RBFOX1: variants seen among roughly 807,000 people sequenced by gnomAD.
RBFOX1 encodes the protein RNA binding fox-1 homolog 1.
RBFOX1 carries 8 observed loss-of-function variants against 57.7 expected under a neutral mutation model. The observed-to-expected ratio is 0.14, with a 90% confidence interval of 0.08 to 0.25. The LOEUF (loss-of-function observed/expected upper bound fraction) is 0.25. RBFOX1 is among the 10% of genes least tolerant of loss of function. The probability of loss-of-function intolerance (pLI) is 1.00; values close to 1 mark genes in which losing one functional copy is unlikely to be tolerated. For missense variants in RBFOX1, 611 were observed against 548.5 expected (o/e 1.11, Z -1.14); for synonymous variants, 326 against 222.4 (o/e 1.47, Z -4.15).
intron 3 of RBFOX1, among the ~76,000 whole-genome samples, chr16:6,891,965 C>T (rs142793576): frequency 4.6e-5 from 7 of 152,282 alleles, no homozygotes; most frequent in African/African-American, 1.4e-4. Context: ...GTTGTATTAA[C>T]ATTTGCATTT....
chr16:7,087,126 C>G (rs565198157), intron 4 of RBFOX1, among the ~76,000 whole-genome samples: 23 of 152,278 alleles, frequency 1.5e-4, no homozygotes, highest in African/African-American at 5.5e-4. Context: ...TGACTGGATG[C>G]TGCTTTTATC....
intron 2 of RBFOX1, among the ~76,000 whole-genome samples, chr16:5,555,339 C>T (rs1228655554): frequency 6.6e-6 from 1 of 152,074 alleles, no homozygotes; most frequent in Non-Finnish European, 1.5e-5. Context: ...CTGCAACCTA[C>T]ACCTCCTGGG....
chr16:7,303,844 C>T (rs925986326), intron 4 of RBFOX1, among the ~76,000 whole-genome samples: 11 of 147,896 alleles, frequency 7.4e-5, no homozygotes, highest in Admixed American at 6.7e-4. Context: ...CCTTCCTCCT[C>T]TCCCTCCCTC....
At chr16:5,484,924 T>C (rs531097802) in intron 2 of RBFOX1, among the ~76,000 whole-genome samples, 60 of 151,364 alleles carry the variant, frequency 4.0e-4, no homozygotes, top group Admixed American at 9.2e-4. Flanking sequence ...CAGGGCATTG[T>C]GGCACACACC....
At chr16:6,022,115 T>C (rs138012728) in intron 1 of RBFOX1, among the ~76,000 whole-genome samples, 1 of 152,246 alleles carries the variant, frequency 6.6e-6, no homozygotes, top group Non-Finnish European at 1.5e-5. Flanking sequence ...GGCCAAGATA[T>C]AGGTTGGTGG....
intron 4 of RBFOX1, among the ~76,000 whole-genome samples, chr16:7,414,544 A>C (rs1005117135): frequency 6.6e-6 from 1 of 152,220 alleles, no homozygotes. Flanking sequence ...TTTCCAACCA[A>C]TATAGTAGGA....
chr16:7,401,307 G>A (rs547847108), intron 4 of RBFOX1, among the ~76,000 whole-genome samples: 1 of 152,140 alleles, frequency 6.6e-6, no homozygotes, highest in African/African-American at 2.4e-5. Flanking sequence ...ATTTTAAATA[G>A]CATCTGAATT....
chr16:7,701,439 C>T (rs947315135), intron 14 of RBFOX1, among the ~76,000 whole-genome samples: 1 of 152,148 alleles, frequency 6.6e-6, no homozygotes, highest in Non-Finnish European at 1.5e-5. Flanking sequence ...GTAAACTGTG[C>T]ATGTGAGGCA....
intron 4 of RBFOX1, among the ~76,000 whole-genome samples, chr16:7,196,454 T>G (rs183999226): frequency 2.0e-5 from 3 of 152,152 alleles, no homozygotes; most frequent in African/African-American, 7.2e-5. Context: ...CCAACACTGA[T>G]AGTGTAGGTA....
At chr16:6,365,593 A>G (rs373163164) in intron 2 of RBFOX1, among the ~76,000 whole-genome samples, 1 of 152,164 alleles carries the variant, frequency 6.6e-6, no homozygotes, top group Non-Finnish European at 1.5e-5. Flanking sequence ...GTGCTGACAT[A>G]TGCTATCTTT....
chr16:6,785,730 A>C lies in RBFOX1; in HGVS notation c.-16+131080A>C, dbSNP rs144941691. 4.4e-3 allele frequency among the ~76,000 whole-genome samples: 673 copies of C among 152,362 alleles called. 7 individuals are homozygous for C. The highest frequency in any genetic ancestry group is 0.015 in the African/African-American group (639 of 41,574). Reference sequence around the variant, plus strand: ...TCCAGTTTAATATCATATGAATATGAAATACCAATTCCACTATTGTTATCA... The same window carrying C: ...TCCAGTTTAATATCATATGAATATGCAATACCAATTCCACTATTGTTATCA... On this transcript the variant is annotated intron_variant, in intron 3 of 15. Coordinates refer to ENST00000550418, the MANE Select transcript of RBFOX1 (RefSeq NM_018723.4).
At chr16:6,045,624 T>A (rs2095487505) in intron 1 of RBFOX1, among the ~76,000 whole-genome samples, 1 of 152,176 alleles carries the variant, frequency 6.6e-6, no homozygotes, top group African/African-American at 2.4e-5. Flanking sequence ...ATAAATGAGG[T>A]TCTTGACCTT....
In RBFOX1 at chr16:7,712,323, G is replaced by A. The variant is rs1393927371; in HGVS notation, c.*1578G>A. On this transcript the variant is annotated 3_prime_UTR_variant, in exon 16 of 16. Coordinates refer to ENST00000550418, the MANE Select transcript of RBFOX1 (RefSeq NM_018723.4). ...GGCCCTGTGGCCCGCACTTCAGTAA[G>A]TTATCAACTCTCACCGCTGTGAACC... 2 of 152,530 alleles carry A rather than the reference G, an allele frequency of 1.3e-5. No homozygotes were observed. Among genetic ancestry groups the A allele is most frequent in the Non-Finnish European group, 2.9e-5 (2 of 68,040 alleles). The allele number at this position is 152,530 out of a possible 1,614,324, so 9.4% of individuals were successfully genotyped here.
chr16:6,217,783 G>A (rs2097345512), intron 1 of RBFOX1, among the ~76,000 whole-genome samples: 1 of 152,210 alleles, frequency 6.6e-6, no homozygotes, highest in African/African-American at 2.4e-5. Context: ...GGGAGGCTAA[G>A]GCGGGTGGAT....
chr16:6,465,598 CTGTGTGTGTGTGTGTGTGTG>C (rs56131263), intron 2 of RBFOX1, among the ~76,000 whole-genome samples: 4 of 144,960 alleles, frequency 2.8e-5, no homozygotes, highest in Non-Finnish European at 6.0e-5. Flanking sequence ...ATGTATAGGG[CTGTGTGTGTGTGTGTGTGTG>C]TGTGTGTGTG....
At chr16:5,945,879 C>T (rs367957576) in intron 4 of RBFOX1, among the ~76,000 whole-genome samples, 10 of 152,162 alleles carry the variant, frequency 6.6e-5, no homozygotes, top group Admixed American at 3.3e-4. Flanking sequence ...TTCAAAGCCC[C>T]TCCCACAGGG....
chr16:6,177,049 A>T (rs2152779073), intron 1 of RBFOX1, among the ~76,000 whole-genome samples: 1 of 152,318 alleles, frequency 6.6e-6, no homozygotes, highest in Non-Finnish European at 1.5e-5. Context: ...TATTTCAGCA[A>T]CTGAAAACAA....
chr16:6,543,970 T>G (rs937860137), intron 2 of RBFOX1, among the ~76,000 whole-genome samples: 1 of 152,184 alleles, frequency 6.6e-6, no homozygotes, highest in African/African-American at 2.4e-5. Context: ...AAGAAAGGTA[T>G]AAAGAGGAGA....
At chr16:7,266,265 G>T (rs928818461) in intron 4 of RBFOX1, among the ~76,000 whole-genome samples, 8 of 151,982 alleles carry the variant, frequency 5.3e-5, no homozygotes, top group African/African-American at 1.7e-4. Flanking sequence ...GTGAGCCACC[G>T]TGCCCGGCCG....
Sources: allele counts gnomAD v4.1 joint callset (sites outside exome capture counted in the v4.1 genomes callset), GRCh38; gene constraint gnomAD v4.1.1; transcripts MANE v1.5; gene names NCBI Gene and HGNC (gene_info 2026-07-23, HGNC 2026-07-21).